Variants in GALNT13 observed in about 807,000 individuals in gnomAD.
GALNT13 encodes polypeptide N-acetylgalactosaminyltransferase 13.
In GALNT13, 28 loss-of-function variants were observed where a neutral mutation model predicts 64.2. The ratio of observed to expected loss-of-function variants is 0.44; its 90% CI spans 0.32 to 0.60. GALNT13 has a LOEUF of 0.60. Ranked by LOEUF, GALNT13 falls within the 20% of genes least tolerant of loss-of-function variation. The pLI is 0.05. For missense variants in GALNT13, 577 were observed against 669.8 expected (o/e 0.86, Z 1.53); for synonymous variants, 214 against 224.6 (o/e 0.95, Z 0.42).
chr2:153,985,374 C>G (rs781193663), intron 3 of GALNT13, among the ~76,000 whole-genome samples: 20 of 151,876 alleles, frequency 1.3e-4, no homozygotes, highest in Non-Finnish European at 2.4e-4. Context: ...TAGAACATAC[C>G]TTTTCTATTG....
chr2:153,930,624 G>A (rs73009837), intron 2 of GALNT13, among the ~76,000 whole-genome samples: 12,463 of 152,064 alleles, frequency 0.082, 890 homozygotes, highest in African/African-American at 0.18. Context: ...AAGATCAGAT[G>A]GCTGTAAGTG....
At chr2:154,226,365 C>T (rs909133959) in intron 4 of GALNT13, among the ~76,000 whole-genome samples, 2 of 152,084 alleles carry the variant, frequency 1.3e-5, no homozygotes, top group East Asian at 1.9e-4. Context: ...ACTTCTCTTG[C>T]ATTCTTGTCA....
intron 3 of GALNT13, among the ~76,000 whole-genome samples, chr2:154,127,296 C>T (rs923056820): frequency 6.6e-6 from 1 of 152,070 alleles, no homozygotes; most frequent in Non-Finnish European, 1.5e-5. Context: ...ATACGTATTT[C>T]TGTAGAGATC....
the GALNT13 span, among the ~76,000 whole-genome samples, chr2:153,499,560 A>G: frequency 6.6e-6 from 1 of 152,170 alleles, no homozygotes; most frequent in Non-Finnish European, 1.5e-5. Context: ...CATGTCGTCC[A>G]TGATGCCCAG....
chr2:153,135,453 T>C, the GALNT13 span, among the ~76,000 whole-genome samples: 3 of 152,142 alleles, frequency 2.0e-5, no homozygotes, highest in Non-Finnish European at 4.4e-5. Context: ...GTAAGTGTTT[T>C]GTTGAGCTGA....
At chr2:154,029,503 G>T (rs565931464) in intron 3 of GALNT13, among the ~76,000 whole-genome samples, 2 of 152,168 alleles carry the variant, frequency 1.3e-5, no homozygotes, top group African/African-American at 4.8e-5. Context: ...AGGTAACTTT[G>T]GTAACAACAA....
the GALNT13 span, among the ~76,000 whole-genome samples, chr2:153,757,260 A>G: frequency 2.0e-5 from 3 of 152,146 alleles, no homozygotes; most frequent in East Asian, 5.8e-4. Context: ...ACATACAAGA[A>G]CATGTGGCCT....
At chr2:153,103,227 C>A in the GALNT13 span, among the ~76,000 whole-genome samples, 2 of 152,176 alleles carry the variant, frequency 1.3e-5, no homozygotes, top group Non-Finnish European at 2.9e-5. Flanking sequence ...TGACCTCAAC[C>A]TTTCTGTGCT....
chr2:153,097,176 G>A, the GALNT13 span, among the ~76,000 whole-genome samples: 2 of 151,954 alleles, frequency 1.3e-5, no homozygotes, highest in Non-Finnish European at 2.9e-5. Context: ...TTTGTCCCCC[G>A]CTTTGTAACT....
chr2:153,917,511 AT>A (rs773633850), intron 2 of GALNT13, among the ~76,000 whole-genome samples: 3 of 152,096 alleles, frequency 2.0e-5, no homozygotes, highest in Non-Finnish European at 4.4e-5. Flanking sequence ...AAACTTAAAA[AT>A]TTTTCTAGAA....
intron 3 of GALNT13, among the ~76,000 whole-genome samples, chr2:154,085,292 G>A (rs943070223): frequency 1.3e-5 from 2 of 151,988 alleles, no homozygotes; most frequent in Admixed American, 1.3e-4. Context: ...ACTAATTACT[G>A]ATTAAAACAA....
intron 3 of GALNT13, among the ~76,000 whole-genome samples, chr2:153,978,532 T>C (rs1272480680): frequency 6.6e-6 from 1 of 152,134 alleles, no homozygotes; most frequent in African/African-American, 2.4e-5. Context: ...TCCCATGCTA[T>C]TCTCGTGATA....
the GALNT13 span, among the ~76,000 whole-genome samples, chr2:153,140,002 T>C: frequency 2.0e-5 from 3 of 152,114 alleles, no homozygotes; most frequent in African/African-American, 7.2e-5. Context: ...ACAAACTTCT[T>C]TATTCTCCCA....
intron 8 of GALNT13, among the ~76,000 whole-genome samples, chr2:154,292,924 T>C (rs1246203647): frequency 6.6e-6 from 1 of 152,144 alleles, no homozygotes; most frequent in Non-Finnish European, 1.5e-5. Context: ...AAGGATAAAG[T>C]ATGTTCGTTA....
intron 4 of GALNT13, among the ~76,000 whole-genome samples, chr2:154,152,090 A>G (rs1443877332): frequency 1.3e-5 from 2 of 152,160 alleles, no homozygotes; most frequent in Non-Finnish European, 2.9e-5. Context: ...TTCCATGTTC[A>G]GTGCCTCCTT....
the GALNT13 span, among the ~76,000 whole-genome samples, chr2:153,678,252 A>G: frequency 6.6e-6 from 1 of 151,758 alleles, no homozygotes; most frequent in Non-Finnish European, 1.5e-5. Context: ...AGCACTATTC[A>G]CAATAGCAAA....
the GALNT13 span, among the ~76,000 whole-genome samples, chr2:153,077,956 A>G: frequency 2.0e-5 from 3 of 152,138 alleles, no homozygotes; most frequent in South Asian, 4.1e-4. Context: ...CAAGAATGTT[A>G]TGTATGCTTA....
chr2:154,133,202 G>A (rs1246071809), intron 3 of GALNT13, among the ~76,000 whole-genome samples: 1 of 152,018 alleles, frequency 6.6e-6, no homozygotes, highest in African/African-American at 2.4e-5. Context: ...TATTTAATAA[G>A]CCCCAGTTTG....
At chr2:153,900,378 G>T (rs577279218) in intron 1 of GALNT13, among the ~76,000 whole-genome samples, 2 of 152,092 alleles carry the variant, frequency 1.3e-5, no homozygotes, top group African/African-American at 4.8e-5. Context: ...GGAACTGTTT[G>T]TGTATTTTTG....
Sources: allele counts gnomAD v4.1 joint callset (sites outside exome capture counted in the v4.1 genomes callset), GRCh38; gene constraint gnomAD v4.1.1; transcripts MANE v1.5; gene names NCBI Gene and HGNC (gene_info 2026-07-23, HGNC 2026-07-21).